Variants in BRWD1 observed in about 807,000 individuals in gnomAD.
The protein encoded by BRWD1 is bromodomain and WD repeat domain containing 1, also known as bromodomain and WD repeat-containing protein 1.
A neutral mutation model predicts 251.2 loss-of-function variants in BRWD1; 82 were observed. The observed-to-expected ratio is 0.33, with a 90% confidence interval of 0.27 to 0.39. BRWD1 has a LOEUF of 0.39. Ranked by LOEUF, BRWD1 falls within the 10% of genes least tolerant of loss-of-function variation. The probability of loss-of-function intolerance (pLI) is 1.00; values close to 1 mark genes in which losing one functional copy is unlikely to be tolerated. For synonymous variants in BRWD1, 918 were observed against 902.8 expected, an observed-to-expected ratio of 1.02 and a Z score of -0.30; for missense variants, 2,233 against 2,711.6, an observed-to-expected ratio of 0.82 and a Z score of 3.92.
chr21:39,268,781 T>C (rs138386552), intron 15 of BRWD1, among the ~76,000 whole-genome samples: 2,501 of 152,154 alleles, frequency 0.016, 151 homozygotes, highest in Admixed American at 0.12. Context: ...GGTCAAGAGA[T>C]GGAGACCATC....
At chr21:39,284,129 T>C (rs1376086905) in intron 8 of BRWD1, among the ~76,000 whole-genome samples, 4 of 152,240 alleles carry the variant, frequency 2.6e-5, no homozygotes, top group Non-Finnish European at 4.4e-5. Flanking sequence ...TCCTCTCTTT[T>C]GCTATGAAAG....
In BRWD1 at chr21:39,194,136, A is replaced by T; in HGVS notation, c.*2123T>A. 1 of 985,252 alleles carries T rather than the reference A, an allele frequency of 1.0e-6. No homozygotes were observed. The allele number at this position is 985,252 out of a possible 1,614,324, so 61.0% of individuals were successfully genotyped here. A position where few individuals can be genotyped will look rare whatever the true frequency, so the allele number is the denominator to read the frequency against. On this transcript the variant is annotated 3_prime_UTR_variant, in exon 41 of 41. Coordinates refer to ENST00000342449, the MANE Select transcript of BRWD1 (RefSeq NM_033656.4). ...AAGAAAAAATGGTAATTGGATGGCCAGTCAATGACCAATTAATGCAGTCCA... is the reference window on the plus strand; with the variant it reads ...AAGAAAAAATGGTAATTGGATGGCCTGTCAATGACCAATTAATGCAGTCCA...
Position 39,192,821 on chromosome 21 carries a change from G to T in BRWD1, c.*3438C>A. 1 of 985,068 alleles carries T rather than the reference G, an allele frequency of 1.0e-6. No homozygotes were observed. The highest frequency in any genetic ancestry group is 1.2e-6 in the Non-Finnish European group (1 of 829,734). 61.0% of individuals were successfully genotyped at this position (985,068 alleles called of 1,614,324 possible). A position where few individuals can be genotyped will look rare whatever the true frequency, so the allele number is the denominator to read the frequency against. On this transcript the variant is annotated 3_prime_UTR_variant, in exon 41 of 41. Coordinates refer to ENST00000342449, the MANE Select transcript of BRWD1 (RefSeq NM_033656.4). ...TTCTACTGATATACAAACCTCTGGG[G>T]TTTCAGTTGGCACAATCAAGTTCAA... is the stretch of plus-strand genomic sequence containing the variant.
intron 8 of BRWD1, among the ~76,000 whole-genome samples, chr21:39,281,968 A>C (rs1232013230): frequency 6.6e-6 from 1 of 151,608 alleles, no homozygotes; most frequent in Non-Finnish European, 1.5e-5. Context: ...ATATGTATAC[A>C]TATAAATACA....
chr21:39,284,017 T>C (rs1043928643), intron 8 of BRWD1, among the ~76,000 whole-genome samples: 1 of 152,226 alleles, frequency 6.6e-6, no homozygotes, highest in African/African-American at 2.4e-5. Flanking sequence ...ATCTACACAT[T>C]TTGAGTGACT....
rs1568852798 is a variant in BRWD1 at position 39,196,847 on chromosome 21, GGTT to G, written c.6219_6221del (p.Thr2074del). On this transcript the variant is annotated inframe_deletion, in exon 41 of 41. Transcript: ENST00000342449. The stretch of plus-strand genomic sequence containing the variant: ...TCTCTGCAGTAGCTTTTTGTGCCAA[GGTT>G]GACTCTGAAGAAAATGTCCTATCAG... 1 of 1,613,582 alleles carries G rather than the reference GGTT, an allele frequency of 6.2e-7. No homozygotes were observed. The highest frequency in any genetic ancestry group is 8.5e-7 in the Non-Finnish European group (1 of 1,179,934).
intron 9 of BRWD1, 99 bp downstream of exon 9, chr21:39,280,046 GCAA>G (rs1287360377): frequency 1.1e-5 from 9 of 811,558 alleles, no homozygotes; most frequent in East Asian, 6.0e-5. Flanking sequence ...TTAAAAAAAA[GCAA>G]CAATACACAA....
chr21:39,263,520 CA>C (rs1179593334), intron 17 of BRWD1, among the ~76,000 whole-genome samples: 1 of 152,116 alleles, frequency 6.6e-6, no homozygotes, highest in Non-Finnish European at 1.5e-5. Flanking sequence ...ACCCATTAGC[CA>C]CACCCAGAAG....
At chr21:39,220,215 G>C (rs1293413628) in intron 29 of BRWD1, among the ~76,000 whole-genome samples, 1 of 152,114 alleles carries the variant, frequency 6.6e-6, no homozygotes. Flanking sequence ...GGTGAATACT[G>C]ATCAACCCAC....
intron 37 of BRWD1, 138 bp downstream of exon 37, chr21:39,205,970 C>T (rs548436525): frequency 5.1e-6 from 4 of 779,004 alleles, no homozygotes; most frequent in East Asian, 2.6e-5. Context: ...GTCCCAGCTA[C>T]TTGGGAGGCT....
chr21:39,230,721 C>G (rs1162436817), intron 25 of BRWD1, among the ~76,000 whole-genome samples: 1 of 151,496 alleles, frequency 6.6e-6, no homozygotes, highest in Non-Finnish European at 1.5e-5. Flanking sequence ...TTTTAAACAG[C>G]AAAGTCACCA....
At chr21:39,238,943 A>AT (rs2033901282) in intron 21 of BRWD1, among the ~76,000 whole-genome samples, 1 of 152,074 alleles carries the variant, frequency 6.6e-6, no homozygotes, top group Non-Finnish European at 1.5e-5. Context: ...CCTGTGACAT[A>AT]TTTTGGTAGC....
chr21:39,295,954 A>C, intron 6 of BRWD1, 51 bp from the exon 7 acceptor site: 2 of 1,434,972 alleles, frequency 1.4e-6, no homozygotes, highest in Non-Finnish European at 1.9e-6. Flanking sequence ...ATAAGGAAAA[A>C]TCTAAGAAAA....
downstream of BRWD1, chr21:39,185,295 TAAAAAAAAAAAAAA>T (rs10525862): frequency 2.8e-5 from 2 of 71,838 alleles, no homozygotes; most frequent in Non-Finnish European, 5.5e-5. Flanking sequence ...CTGAAATTGC[TAAAAAAAAAAAAAA>T]AAAAAAAAAA....
In BRWD1 at chr21:39,243,536, C is replaced by T. The variant is rs1012355059; in HGVS notation, c.2481+4165G>A. Among the ~76,000 whole-genome samples, 2 of 152,322 alleles carry T rather than the reference C, an allele frequency of 1.3e-5. 1 individual carries two copies. Among genetic ancestry groups the T allele is most frequent in the South Asian group, 4.1e-4 (2 of 4,828 alleles). ...CCAAGGCTCATTGCAGCCTCAACCT[C>T]CTAGGCTCAAGTGATTATCCTGCCT... On this transcript the variant is annotated intron_variant, in intron 21 of 40. Transcript: ENST00000342449.
At chr21:39,318,696 G>A (rs1233877600), upstream of BRWD1, among the ~76,000 whole-genome samples, 1 of 152,148 alleles carries the variant, frequency 6.6e-6, no homozygotes, top group African/African-American at 2.4e-5. Flanking sequence ...ACAGGCAGGA[G>A]TGCAGTGGTA....
At chr21:39,314,120 C>A (rs2036634824), upstream of BRWD1, 2 of 455,880 alleles carry the variant, frequency 4.4e-6, no homozygotes, top group African/African-American at 2.0e-5. Flanking sequence ...GTGCGTCTTG[C>A]CCCGCACGGA....
chr21:39,186,439 C>T lies in BRWD1; in HGVS notation c.*9820G>A, dbSNP rs910771076. 2.0e-5 allele frequency: 3 copies of T among 152,160 alleles called. No individual in the cohort carries two copies. Among genetic ancestry groups the T allele is most frequent in the African/African-American group, 7.2e-5 (3 of 41,434 alleles). 9.4% of individuals were successfully genotyped at this position (152,160 alleles called of 1,614,324 possible). On this transcript the variant is annotated 3_prime_UTR_variant, in exon 41 of 41. Coordinates refer to ENST00000342449, the MANE Select transcript of BRWD1 (RefSeq NM_033656.4). Reference sequence around the variant, plus strand: ...CTTCAGAACTCAATAATCAGTATCTCCAGCTGAAATTCCCAGGTCCTCCTA... The same window carrying T: ...CTTCAGAACTCAATAATCAGTATCTTCAGCTGAAATTCCCAGGTCCTCCTA...
chr21:39,259,018 G>C (rs986439810), intron 17 of BRWD1, among the ~76,000 whole-genome samples: 1 of 152,102 alleles, frequency 6.6e-6, no homozygotes, highest in African/African-American at 2.4e-5. Flanking sequence ...TTATTCCCCA[G>C]AGTCTCTAAC....
Sources: gnomAD v4.1 joint callset for allele counts (sites outside exome capture counted in the v4.1 genomes callset) on GRCh38, gnomAD v4.1.1 for gene constraint, MANE v1.5 for transcripts, NCBI Gene and HGNC (gene_info 2026-07-23, HGNC 2026-07-21) for gene names.